SHPRH: variants seen among roughly 807,000 people sequenced by gnomAD.
SHPRH encodes SNF2 histone linker PHD RING helicase, also known as E3 ubiquitin-protein ligase SHPRH.
A neutral mutation model predicts 202.5 loss-of-function variants in SHPRH; 106 were observed. The observed-to-expected ratio is 0.52, with a 90% CI of 0.45 to 0.62. The LOEUF (loss-of-function observed/expected upper bound fraction) is 0.62, where lower values mean the gene tolerates loss of function less well. Ranked by LOEUF, SHPRH falls within the 20% of genes least tolerant of loss-of-function variation. The pLI, the probability that SHPRH is intolerant of heterozygous loss-of-function variation, is 0.00. For synonymous variants in SHPRH, 729 were observed against 686.0 expected, an observed-to-expected ratio of 1.06 and a Z score of -0.98; for missense variants, 1,710 against 2,020.0, an observed-to-expected ratio of 0.85 and a Z score of 2.94.
intron 25 of SHPRH, among the ~76,000 whole-genome samples, chr6:145,901,895 C>A (rs180927038): frequency 6.0e-4 from 92 of 152,094 alleles, no homozygotes; most frequent in African/African-American, 1.9e-3. Flanking sequence ...TGACCAAGGT[C>A]CAGCTTTGGA....
chr6:145,960,973 T>C (rs1219674120), intron 1 of SHPRH, among the ~76,000 whole-genome samples: 2 of 151,914 alleles, frequency 1.3e-5, no homozygotes, highest in Non-Finnish European at 2.9e-5. Context: ...ATCCTGCGCA[T>C]ATGCAGTTCA....
intron 27 of SHPRH, among the ~76,000 whole-genome samples, 187 bp from the exon 28 acceptor site, chr6:145,893,580 A>G (rs913020152): frequency 1.4e-4 from 21 of 152,190 alleles, no homozygotes; most frequent in Admixed American, 3.3e-4. Context: ...ATTATGAAGA[A>G]AAGTATCATA....
Position 145,943,211 on chromosome 6 carries a change from T to C in SHPRH, c.2170A>G (p.Ser724Gly). The C allele has an allele frequency of 1.2e-6, 2 of 1,613,760 alleles. No individual in the cohort carries two copies. The highest frequency in any genetic ancestry group is 1.7e-6 in the Non-Finnish European group (2 of 1,179,822). ...TCCACCCACTGGTGACAGATGGAACTTGGAGAGATGATCAGAGTTGCTCTT... is the reference window on the plus strand; with the variant it reads ...TCCACCCACTGGTGACAGATGGAACCTGGAGAGATGATCAGAGTTGCTCTT... ...STRATLIISP[S>G]SICHQWVDEI... Residue 724 changes from serine (S) to glycine (G), a missense_variant, in exon 9 of 30, where the codon AGT (serine) becomes GGT (glycine). Around this residue, in one of 8 missense-constraint regions of SHPRH, gnomAD observed 277 missense variants for 363.0 expected, o/e 0.76. Transcript: ENST00000275233.
At chr6:145,949,082 C>A (rs1261273367) in intron 4 of SHPRH, among the ~76,000 whole-genome samples, 1 of 151,912 alleles carries the variant, frequency 6.6e-6, no homozygotes, top group Non-Finnish European at 1.5e-5. Context: ...GGCACGAAGC[C>A]AGTAAAAAGG....
intron 2 of SHPRH, among the ~76,000 whole-genome samples, chr6:145,868,855 T>C (rs533982195): frequency 1.3e-5 from 2 of 152,350 alleles, no homozygotes; most frequent in Admixed American, 1.3e-4. Flanking sequence ...CTATTTGTTA[T>C]TTTTAGGAAA....
At chr6:145,941,050 G>A (rs1330901988) in intron 10 of SHPRH, among the ~76,000 whole-genome samples, 1 of 152,106 alleles carries the variant, frequency 6.6e-6, no homozygotes, top group East Asian at 1.9e-4. Context: ...GTTCAAATAC[G>A]TACAAAATGA....
At chr6:145,910,307 A>G (rs2128735875) in intron 25 of SHPRH, 141 bp downstream of exon 25, 1 of 867,788 alleles carries the variant, frequency 1.2e-6, no homozygotes, top group Non-Finnish European at 1.8e-6. Flanking sequence ...TGAGGCTTTC[A>G]GGCAGTGTAT....
Position 145,954,753 on chromosome 6 carries a change from C to A in SHPRH, c.570G>T (p.Gly190=), listed in dbSNP as rs201269436. 4.4e-5 allele frequency: 71 copies of A among 1,612,210 alleles called. No individual in the cohort carries two copies. The highest frequency in any genetic ancestry group is 3.4e-4 in the South Asian group (31 of 90,570). The part of the protein sequence containing the change: ...SFSGEMLEDL[G]WLQKKRRIKL... ...TTATTCTTCTCTTCTTTTGTAGCCA[C>A]CCCAAATCTTCTAACATTTCACCAC... Residue 190 remains glycine (G), a synonymous_variant, in exon 2 of 30, where the codon GGG becomes GGT. Transcript: ENST00000275233.
downstream of SHPRH, among the ~76,000 whole-genome samples, chr6:145,881,001 T>C (rs1780540462): frequency 6.6e-6 from 1 of 152,174 alleles, no homozygotes; most frequent in Admixed American, 6.5e-5. Context: ...AGTAAAAGGT[T>C]TGTGCAACTA....
chr6:145,929,927 G>A (rs969813796), intron 14 of SHPRH, among the ~76,000 whole-genome samples: 15 of 151,996 alleles, frequency 9.9e-5, no homozygotes, highest in Admixed American at 3.9e-4. Context: ...TTTTTATAAC[G>A]TTTTCAATGT....
chr6:145,948,154 C>T, intron 5 of SHPRH, 118 bp downstream of exon 5: 2 of 646,080 alleles, frequency 3.1e-6, no homozygotes, highest in Non-Finnish European at 5.1e-6. Flanking sequence ...CTAATCAAGA[C>T]TTCACCTTTG....
chr6:145,900,304 C>A (rs145160896), intron 25 of SHPRH, among the ~76,000 whole-genome samples: 4 of 152,134 alleles, frequency 2.6e-5, no homozygotes, highest in African/African-American at 7.2e-5. Context: ...ATATACACCA[C>A]GGAATATGTT....
downstream of SHPRH, among the ~76,000 whole-genome samples, chr6:145,863,658 C>A (rs1408742600): frequency 1.3e-5 from 2 of 152,054 alleles, no homozygotes; most frequent in African/African-American, 4.8e-5. Flanking sequence ...ATGGACTGGG[C>A]TAGTTAATAA....
chr6:145,908,115 T>C (rs1226282936), intron 25 of SHPRH: 2 of 152,190 alleles, frequency 1.3e-5, no homozygotes, highest in African/African-American at 4.8e-5. Context: ...TATGGATGCA[T>C]AGTATTACAT....
chr6:145,955,247 G>T lies in SHPRH; in HGVS notation c.76C>A (p.His26Asn). 4 of 1,612,982 alleles carry T rather than the reference G, an allele frequency of 2.5e-6. No individual in the cohort carries two copies. The highest frequency in any genetic ancestry group is 3.4e-6 in the Non-Finnish European group (4 of 1,179,890). The change falls in exon 2 of 30, where the codon CAT (histidine) becomes AAT (asparagine). Residue 26 changes from histidine (H) to asparagine (N), a missense_variant. By Grantham distance (68) the His-to-Asn change is moderately conservative (BLOSUM62 1). This residue lies in a region of SHPRH where 459 missense variants were observed against 426.5 expected (regional missense o/e 1.08). Transcript: ENST00000275233. ...EKRQQLHWNM[H>N]EDRRNEPIII... ...ATAGGTTCATTCCTTCTGTCCTCATGCATATTCCAATGAAGCTGCTGCCTC... is the reference window on the plus strand; with the variant it reads ...ATAGGTTCATTCCTTCTGTCCTCATTCATATTCCAATGAAGCTGCTGCCTC...
chr6:145,927,807 A>G (rs999613454), intron 14 of SHPRH, among the ~76,000 whole-genome samples: 26 of 152,044 alleles, frequency 1.7e-4, no homozygotes, highest in Non-Finnish European at 1.0e-4. Flanking sequence ...TTGCAATTAA[A>G]AACTTCATGT....
Position 145,893,208 on chromosome 6 carries a change from T to C in SHPRH, c.4874+7A>G. 6.6e-7 allele frequency: 1 copy of C among 1,509,312 alleles called. No homozygotes were observed. Among genetic ancestry groups the C allele is most frequent in the Admixed American group, 2.4e-5 (1 of 41,236 alleles). The allele number at this position is 1,509,312 out of a possible 1,614,324, so 93.5% of individuals were successfully genotyped here. A position where few individuals can be genotyped will look rare whatever the true frequency, so the allele number is the denominator to read the frequency against. On this transcript the variant is annotated splice_region_variant and intron_variant, in intron 28 of 29. Coordinates refer to ENST00000275233, the MANE Select transcript of SHPRH (RefSeq NM_001042683.3). ...CAAATGTGACTGATTCTAATTTTAG[T>C]CCTTACTTTGTCTGTCCAATTCGGT... is the stretch of plus-strand genomic sequence containing the variant.
chr6:145,874,057 G>C (rs886800110), intron 2 of SHPRH, among the ~76,000 whole-genome samples: 11 of 151,944 alleles, frequency 7.2e-5, no homozygotes, highest in African/African-American at 2.7e-4. Flanking sequence ...AATTAGCGGC[G>C]CATGGTGGAG....
chr6:145,936,075 T>A (rs1006174369), intron 11 of SHPRH, among the ~76,000 whole-genome samples: 2 of 152,208 alleles, frequency 1.3e-5, no homozygotes, highest in Non-Finnish European at 2.9e-5. Flanking sequence ...TTTGTTAGCT[T>A]TAGAGCATGG....
Sources: gnomAD v4.1 joint callset for allele counts (sites outside exome capture counted in the v4.1 genomes callset) on GRCh38, gnomAD v4.1.1 for gene constraint, gnomAD v4.1.1 regional missense constraint, MANE v1.5 for transcripts, NCBI Gene and HGNC (gene_info 2026-07-23, HGNC 2026-07-21) for gene names.